Variants in CHST13 observed in about 807,000 individuals in gnomAD.
The protein encoded by CHST13 is C4ST-3.
A neutral mutation model predicts 7.0 loss-of-function variants in CHST13; 1 was observed. The observed-to-expected ratio is 0.14, with a 90% CI of 0.05 to 0.68. The LOEUF (loss-of-function observed/expected upper bound fraction) is 0.68, where lower values mean the gene tolerates loss of function less well. CHST13 is among the 30% of genes least tolerant of loss of function. CHST13 has a pLI of 0.82. For synonymous variants in CHST13, 257 were observed against 240.9 expected, an observed-to-expected ratio of 1.07 and a Z score of -0.62; for missense variants, 572 against 507.9, an observed-to-expected ratio of 1.13 and a Z score of -1.21.
rs775760466 is a variant in CHST13, at chr3:126,541,943, G to A, written c.391G>A (p.Ala131Thr). The change falls in exon 3 of 3, where the codon GCC becomes ACC. Residue 131 changes from alanine to threonine, a missense_variant. Coordinates refer to ENST00000319340, the MANE Select transcript of CHST13 (RefSeq NM_152889.3). ...CGTGCTGCTGGCGCTGAGCGGCCAAGCCCGCGGCGACCCGCGCGCCATCTC... is the reference window on the plus strand; with the variant it reads ...CGTGCTGCTGGCGCTGAGCGGCCAAACCCGCGGCGACCCGCGCGCCATCTC... ...KRVLLALSGQARGDPRAISAQ... is the reference protein window; with the variant it reads ...KRVLLALSGQTRGDPRAISAQ... 13 of 1,589,060 alleles carry A rather than the reference G, an allele frequency of 8.2e-6. No homozygotes were observed. The highest frequency in any genetic ancestry group is 4.1e-5 in the African/African-American group (3 of 72,868).
At chr3:126,525,555 G>A (rs1936521966) in intron 1 of CHST13, among the ~76,000 whole-genome samples, 1 of 152,184 alleles carries the variant, frequency 6.6e-6, no homozygotes, top group African/African-American at 2.4e-5. Context: ...TGAGCTGTCT[G>A]GTGGTGTTGA....
At chr3:126,534,167 G>A (rs969722245) in intron 1 of CHST13, among the ~76,000 whole-genome samples, 13 of 152,024 alleles carry the variant, frequency 8.6e-5, no homozygotes, top group African/African-American at 1.4e-4. Flanking sequence ...TTCAAAGATC[G>A]CCTAACACCT....
At chr3:126,531,184 A>G (rs1181096298) in intron 1 of CHST13, among the ~76,000 whole-genome samples, 1 of 152,264 alleles carries the variant, frequency 6.6e-6, no homozygotes, top group Non-Finnish European at 1.5e-5. Context: ...GCTGCTGGAA[A>G]TGCAGATTCT....
chr3:126,541,820 C>T lies in CHST13; in HGVS notation c.268C>T (p.Leu90=), dbSNP rs2107573708. The T allele has an allele frequency of 6.4e-7, 1 of 1,564,474 alleles. No individual in the cohort carries two copies. The highest frequency in any genetic ancestry group is 1.2e-5 in the South Asian group (1 of 84,996). The change falls in exon 3 of 3, where the codon CTG becomes TTG. Residue 90 remains leucine (L), a synonymous_variant. Coordinates refer to ENST00000319340, the MANE Select transcript of CHST13 (RefSeq NM_152889.3). ...TAGCCGCCACTCACGCCGGCAGCGC[C>T]TGCTACAGCCGGAGGACCTGCGGCA... The part of the protein sequence containing the change: ...ACSRHSRRQR[L]LQPEDLRHVL...
intron 1 of CHST13, among the ~76,000 whole-genome samples, chr3:126,534,582 C>T (rs1310040729): frequency 6.6e-6 from 1 of 150,926 alleles, no homozygotes; most frequent in African/African-American, 2.4e-5. Flanking sequence ...GAGACACACA[C>T]AGAGAGCATC....
intron 2 of CHST13, among the ~76,000 whole-genome samples, chr3:126,541,427 C>T (rs1406233244): frequency 6.6e-6 from 1 of 152,200 alleles, no homozygotes; most frequent in African/African-American, 2.4e-5. Flanking sequence ...CGTACTCACA[C>T]GGAGCGCACT....
chr3:126,528,194 C>CT (rs1936574755), intron 1 of CHST13, among the ~76,000 whole-genome samples: 1 of 151,720 alleles, frequency 6.6e-6, no homozygotes, highest in African/African-American at 2.4e-5. Flanking sequence ...GGAAGATACT[C>CT]TAAGTTGGGG....
Position 126,542,238 on chromosome 3 carries a change from T to C in CHST13, c.686T>C (p.Leu229Pro). The C allele has an allele frequency of 6.6e-7, 1 of 1,525,914 alleles. No individual in the cohort carries two copies. The highest frequency in any genetic ancestry group is 8.7e-7 in the Non-Finnish European group (1 of 1,144,082). 94.5% of individuals were successfully genotyped at this position (1,525,914 alleles called of 1,614,324 possible). Residue 229 changes from leucine to proline, a missense_variant, in exon 3 of 3, where the codon CTG becomes CCG. Leu to Pro is a moderately conservative substitution (Grantham distance 98). Transcript: ENST00000319340. ...RGHDVRFAEF[L>P]AYLLDPRTRR... Reference sequence around the variant, plus strand: ...CACGACGTGCGCTTCGCGGAGTTCCTGGCCTACCTGCTGGACCCGCGCACG... The same window carrying C: ...CACGACGTGCGCTTCGCGGAGTTCCCGGCCTACCTGCTGGACCCGCGCACG...
chr3:126,527,580 G>T, intron 1 of CHST13: 1 of 152,522 alleles, frequency 6.6e-6, no homozygotes, highest in Non-Finnish European at 1.5e-5. Context: ...GGCAGGAAGG[G>T]CTGGGAGGCT....
intron 1 of CHST13, among the ~76,000 whole-genome samples, chr3:126,526,320 CT>C (rs1936535635): frequency 6.6e-6 from 1 of 152,248 alleles, no homozygotes; most frequent in Non-Finnish European, 1.5e-5. Context: ...GGGGCATCCC[CT>C]GCCCTTGGCC....
At chr3:126,533,408 G>A (rs945074566) in intron 1 of CHST13, among the ~76,000 whole-genome samples, 3 of 152,134 alleles carry the variant, frequency 2.0e-5, no homozygotes, top group African/African-American at 7.2e-5. Flanking sequence ...CTATTCTTAA[G>A]CTGTTTAGTG....
chr3:126,529,412 G>C, intron 1 of CHST13: 1 of 1,288,418 alleles, frequency 7.8e-7, no homozygotes, highest in Non-Finnish European at 1.0e-6. Context: ...CAGGACAAGG[G>C]GGCACCCAGA....
intron 1 of CHST13, chr3:126,527,277 A>T (rs909877908): frequency 2.6e-5 from 4 of 152,256 alleles, no homozygotes; most frequent in African/African-American, 9.6e-5. Context: ...CTCGGCGAGG[A>T]CAAACCCAAC....
At chr3:126,525,787 G>A (rs1487103708) in intron 1 of CHST13, among the ~76,000 whole-genome samples, 1 of 152,168 alleles carries the variant, frequency 6.6e-6, no homozygotes, top group Non-Finnish European at 1.5e-5. Flanking sequence ...TTGAGTGACT[G>A]CATGGAGTGT....
intron 1 of CHST13, 80 bp from the exon 2 acceptor site, chr3:126,536,191 C>G: frequency 8.3e-7 from 1 of 1,209,526 alleles, no homozygotes; most frequent in Non-Finnish European, 1.2e-6. Context: ...GTCAAATGTG[C>G]CTAGATGGGT....
chr3:126,541,519 A>G (rs997648124), intron 2 of CHST13, among the ~76,000 whole-genome samples: 3 of 152,188 alleles, frequency 2.0e-5, no homozygotes, highest in Admixed American at 6.5e-5. Flanking sequence ...CAGCCTCAGC[A>G]AAGTCAGAAT....
intron 1 of CHST13, among the ~76,000 whole-genome samples, chr3:126,526,806 G>T (rs1258806866): frequency 2.6e-5 from 4 of 152,206 alleles, no homozygotes; most frequent in African/African-American, 9.6e-5. Context: ...CTCATCCCCA[G>T]TGCCCAGCGG....
chr3:126,540,234 A>C (rs1410030955), intron 2 of CHST13, among the ~76,000 whole-genome samples: 1 of 152,186 alleles, frequency 6.6e-6, no homozygotes, highest in African/African-American at 2.4e-5. Flanking sequence ...CTGAGAACTC[A>C]CATACCATAC....
chr3:126,535,897 G>A (rs150812676), intron 1 of CHST13, among the ~76,000 whole-genome samples: 1 of 152,242 alleles, frequency 6.6e-6, no homozygotes, highest in Non-Finnish European at 1.5e-5. Context: ...AGCCAGCCTG[G>A]TGAACCCCAC....
Sources: gnomAD v4.1 joint callset for allele counts (sites outside exome capture counted in the v4.1 genomes callset) on GRCh38, gnomAD v4.1.1 for gene constraint, MANE v1.5 for transcripts, NCBI Gene and HGNC (gene_info 2026-07-23, HGNC 2026-07-21) for gene names.